The following GPHN variants were observed in gnomAD, a reference collection of about 807,000 sequenced individuals.
The protein encoded by GPHN is gephyrin.
A neutral mutation model predicts 95.5 loss-of-function variants in GPHN; 17 were observed. The ratio of observed to expected loss-of-function variants is 0.18; its 90% CI spans 0.12 to 0.27. GPHN has a LOEUF of 0.27. Among genes scored for constraint, GPHN ranks in the 10% least tolerant of loss-of-function variants. The pLI is 1.00. For synonymous variants in GPHN, 320 were observed against 322.5 expected, an observed-to-expected ratio of 0.99 and a Z score of 0.08; for missense variants, 660 against 978.1, an observed-to-expected ratio of 0.67 and a Z score of 4.34.
chr14:67,596,112 CT>C, the GPHN span, among the ~76,000 whole-genome samples: 1 of 151,734 alleles, frequency 6.6e-6, no homozygotes, highest in Non-Finnish European at 1.5e-5. Context: ...ATTGTTTTAT[CT>C]TTTTTCCCAG....
chr14:66,865,422 A>G (rs2063187715), intron 4 of GPHN, among the ~76,000 whole-genome samples: 1 of 152,086 alleles, frequency 6.6e-6, no homozygotes, highest in Non-Finnish European at 1.5e-5. Context: ...TTTTAAACTA[A>G]ATTATTCAAA....
At chr14:67,279,373 G>T in the GPHN span, 1 of 1,613,868 alleles carries the variant, frequency 6.2e-7, no homozygotes, top group Admixed American at 1.7e-5. Context: ...GACATGAGGC[G>T]TAGGAGAGAG....
chr14:66,570,194 T>C (rs1311162050), intron 1 of GPHN, among the ~76,000 whole-genome samples: 3 of 152,140 alleles, frequency 2.0e-5, no homozygotes, highest in South Asian at 2.1e-4. Context: ...CATTCACCCA[T>C]TGATGGACAA....
At chr14:67,185,929 A>T (rs2083366087), downstream of GPHN, among the ~76,000 whole-genome samples, 1 of 152,236 alleles carries the variant, frequency 6.6e-6, no homozygotes, top group Admixed American at 6.5e-5. Flanking sequence ...TATTCCAATG[A>T]TGATGGGTCT....
At chr14:66,757,534 C>A (rs1028031291) in intron 2 of GPHN, among the ~76,000 whole-genome samples, 2 of 152,076 alleles carry the variant, frequency 1.3e-5, no homozygotes, top group African/African-American at 4.8e-5. Context: ...GGATAACAAG[C>A]GCGTACCACC....
chr14:67,069,084 T>C (rs569376618), intron 11 of GPHN, among the ~76,000 whole-genome samples: 1 of 152,282 alleles, frequency 6.6e-6, no homozygotes, highest in African/African-American at 2.4e-5. Context: ...GCTCTACCTT[T>C]TACTAGCCAA....
intron 1 of GPHN, among the ~76,000 whole-genome samples, chr14:66,618,654 C>A (rs1310970910): frequency 6.6e-6 from 1 of 152,108 alleles, no homozygotes; most frequent in Non-Finnish European, 1.5e-5. Flanking sequence ...TAGCTCACTT[C>A]ATAAAGTAAG....
chr14:67,405,492 A>G, the GPHN span, among the ~76,000 whole-genome samples: 1 of 152,172 alleles, frequency 6.6e-6, no homozygotes, highest in Middle Eastern at 3.2e-3. Context: ...TACCCCACCC[A>G]GTATGAAAAG....
chr14:67,657,507 A>G, the GPHN span, among the ~76,000 whole-genome samples: 2 of 152,144 alleles, frequency 1.3e-5, no homozygotes, highest in Non-Finnish European at 2.9e-5. Context: ...AGCAGGAAGA[A>G]AAAAGTAGCC....
chr14:67,324,897 ATTTTTTTTTTT>A, the GPHN span, among the ~76,000 whole-genome samples: 1 of 76,336 alleles, frequency 1.3e-5, no homozygotes, highest in Non-Finnish European at 2.4e-5. Context: ...CCTTCCTTTC[ATTTTTTTTTTT>A]TTTTTTTTTT....
At chr14:67,627,476 A>G in the GPHN span, among the ~76,000 whole-genome samples, 1 of 152,146 alleles carries the variant, frequency 6.6e-6, no homozygotes, top group African/African-American at 2.4e-5. Context: ...GGCATTGAAA[A>G]GAGATGAAAC....
At chr14:66,627,358 G>C (rs1472087260) in intron 1 of GPHN, among the ~76,000 whole-genome samples, 1 of 151,928 alleles carries the variant, frequency 6.6e-6, no homozygotes, top group African/African-American at 2.4e-5. Context: ...TATCAAACTG[G>C]AACATGCTTC....
At chr14:67,127,724 A>T (rs1000018226) in intron 17 of GPHN, among the ~76,000 whole-genome samples, 20 of 152,266 alleles carry the variant, frequency 1.3e-4, no homozygotes, top group Non-Finnish European at 2.5e-4. Context: ...ATTGAAACAG[A>T]TATTGATCTT....
At chr14:66,765,488 A>G (rs747409889) in intron 2 of GPHN, among the ~76,000 whole-genome samples, 3 of 152,212 alleles carry the variant, frequency 2.0e-5, no homozygotes, top group African/African-American at 7.2e-5. Flanking sequence ...GCCAGAGGCT[A>G]TTATGTTAAG....
At chr14:66,940,328 CT>C (rs928728328) in intron 8 of GPHN, among the ~76,000 whole-genome samples, 1 of 151,982 alleles carries the variant, frequency 6.6e-6, no homozygotes, top group African/African-American at 2.4e-5. Context: ...AGATTAATGA[CT>C]ACTCATGTAG....
chr14:67,459,411 T>C, the GPHN span, among the ~76,000 whole-genome samples: 1 of 152,242 alleles, frequency 6.6e-6, no homozygotes, highest in African/African-American at 2.4e-5. Flanking sequence ...GAAGGCTTCA[T>C]GGAACTTCTG....
intron 9 of GPHN, among the ~76,000 whole-genome samples, chr14:66,989,570 A>C (rs920279054): frequency 4.0e-5 from 6 of 151,722 alleles, no homozygotes. Flanking sequence ...TTTCACTGAG[A>C]AACACTTTGT....
chr14:67,589,256 G>C, the GPHN span: 2 of 768,510 alleles, frequency 2.6e-6, no homozygotes, highest in Non-Finnish European at 3.2e-6. Context: ...CAACCCTTCA[G>C]GAACCCTTTA....
intron 9 of GPHN, among the ~76,000 whole-genome samples, chr14:66,997,362 G>A (rs915253320): frequency 7.3e-4 from 83 of 114,150 alleles, no homozygotes; most frequent in African/African-American, 3.5e-3. Context: ...GTGAGACTTC[G>A]TCTTAAAAAA....
Sources: allele counts gnomAD v4.1 joint callset (sites outside exome capture counted in the v4.1 genomes callset), GRCh38; gene constraint gnomAD v4.1.1; transcripts MANE v1.5; gene names NCBI Gene and HGNC (gene_info 2026-07-23, HGNC 2026-07-21).